Variants in PRKN observed in about 807,000 individuals in gnomAD.
PRKN encodes the protein parkin RBR E3 ubiquitin protein ligase.
In PRKN, 56 loss-of-function variants were observed where a neutral mutation model predicts 59.5. The observed-to-expected ratio is 0.94, with a 90% CI of 0.76 to 1.18. The LOEUF (loss-of-function observed/expected upper bound fraction) is 1.18. Among genes scored for constraint, PRKN ranks in the 50% most tolerant of loss-of-function variants. The pLI is 0.00. For synonymous variants in PRKN, 250 were observed against 222.1 expected, an observed-to-expected ratio of 1.13 and a Z score of -1.12; for missense variants, 657 against 596.4, an observed-to-expected ratio of 1.10 and a Z score of -1.06.
intron 1 of PRKN, among the ~76,000 whole-genome samples, chr6:162,646,163 C>T (rs1419601067): frequency 6.6e-6 from 1 of 152,096 alleles, no homozygotes; most frequent in African/African-American, 2.4e-5. Flanking sequence ...TGAGCCACCA[C>T]ACCCGGCCTA....
intron 7 of PRKN, among the ~76,000 whole-genome samples, chr6:161,736,741 G>T (rs988003888): frequency 6.1e-4 from 93 of 152,134 alleles, no homozygotes; most frequent in Non-Finnish European, 1.3e-3. Context: ...ACTTTCTGGG[G>T]GTACAAATTA....
At chr6:162,035,178 T>G (rs2187200) in intron 5 of PRKN, among the ~76,000 whole-genome samples, 62,508 of 145,556 alleles carry the variant, frequency 0.43, 13,159 homozygotes, top group East Asian at 0.58. Context: ...TATATATATA[T>G]AGAGAGAGGC....
rs1790197281 is a variant in PRKN, at chr6:161,461,168, A to G, written c.1084-74291T>C. Among the ~76,000 whole-genome samples the G allele has an allele frequency of 6.6e-6, 1 of 152,228 alleles. No homozygotes were observed. The highest frequency in any genetic ancestry group is 2.4e-5 in the African/African-American group (1 of 41,468). The stretch of plus-strand genomic sequence containing the variant: ...ACGTCAAGTTTGTCCTCAGGGACAG[A>G]GAAAGAGTTTTGCTAGCCAGTGGCT... On this transcript the variant is annotated intron_variant, in intron 9 of 11. Transcript: ENST00000366898. This position sits in a 1 kb window ranked among gnomAD's most constrained non-coding sequence, Gnocchi z 5.1.
intron 1 of PRKN, among the ~76,000 whole-genome samples, chr6:162,465,274 A>C (rs1057264437): frequency 6.6e-6 from 1 of 152,190 alleles, no homozygotes; most frequent in African/African-American, 2.4e-5. Context: ...ACTATATTTA[A>C]CATCTGACTT....
chr6:162,370,654 C>G (rs1277399758), intron 2 of PRKN, among the ~76,000 whole-genome samples: 2 of 152,130 alleles, frequency 1.3e-5, no homozygotes, highest in Non-Finnish European at 2.9e-5. Flanking sequence ...GTGAAATTCA[C>G]GTTTACTTAT....
chr6:162,212,766 C>T (rs1048694814), intron 3 of PRKN, among the ~76,000 whole-genome samples: 2 of 152,174 alleles, frequency 1.3e-5, no homozygotes, highest in Non-Finnish European at 2.9e-5. Context: ...CAGCTGGGCC[C>T]TATGGTACAG....
chr6:161,676,060 C>T (rs985107661), intron 7 of PRKN, among the ~76,000 whole-genome samples: 19 of 152,206 alleles, frequency 1.2e-4, no homozygotes, highest in Non-Finnish European at 1.5e-5. Flanking sequence ...GGGTAGTACT[C>T]GGCAGTGACT....
chr6:162,218,856 T>A (rs1337734826), intron 3 of PRKN, among the ~76,000 whole-genome samples: 1 of 152,056 alleles, frequency 6.6e-6, no homozygotes, highest in African/African-American at 2.4e-5. Context: ...TCTTTTCTGT[T>A]TCTCAGTTGC....
intron 2 of PRKN, among the ~76,000 whole-genome samples, chr6:162,429,741 C>T (rs759285833): frequency 1.2e-4 from 18 of 152,292 alleles, no homozygotes; most frequent in Middle Eastern, 3.4e-3. Context: ...TGGGGACGCA[C>T]CGGTCCTGCT....
At chr6:162,187,524 C>A (rs977319154) in intron 4 of PRKN, among the ~76,000 whole-genome samples, 2 of 152,048 alleles carry the variant, frequency 1.3e-5, no homozygotes, top group African/African-American at 4.8e-5. Context: ...TGCCCCCCAC[C>A]CCAATATACA....
chr6:162,085,664 C>T (rs936679458), intron 4 of PRKN, among the ~76,000 whole-genome samples: 9 of 151,990 alleles, frequency 5.9e-5, no homozygotes, highest in Admixed American at 2.0e-4. Flanking sequence ...AGTTAAGATA[C>T]TATTCATGTA....
At chr6:162,426,714 T>A (rs1030672212) in intron 2 of PRKN, among the ~76,000 whole-genome samples, 1 of 152,220 alleles carries the variant, frequency 6.6e-6, no homozygotes, top group African/African-American at 2.4e-5. Flanking sequence ...CCCAAAGTGC[T>A]GGGATTACAG....
intron 6 of PRKN, among the ~76,000 whole-genome samples, chr6:161,876,195 T>C (rs1228807319): frequency 6.6e-6 from 1 of 152,216 alleles, no homozygotes; most frequent in African/African-American, 2.4e-5. Flanking sequence ...TATTGATTAT[T>C]ACACTGCTTC....
At chr6:161,614,813 A>C (rs1582893036) in intron 7 of PRKN, among the ~76,000 whole-genome samples, 1 of 152,066 alleles carries the variant, frequency 6.6e-6, no homozygotes, top group Admixed American at 6.5e-5. Context: ...CCTTTCCCCC[A>C]CCCTTAATCA....
intron 1 of PRKN, among the ~76,000 whole-genome samples, chr6:162,538,015 T>C (rs1459378788): frequency 6.6e-6 from 1 of 152,216 alleles, no homozygotes; most frequent in Non-Finnish European, 1.5e-5. Context: ...GATACTGGTA[T>C]AAATATAGTC....
At position 162,039,890 on chromosome 6, in the gene PRKN, G is replaced by A. The variant is rs545435107; in HGVS notation, c.618+14201C>T. ...AGAGAACACTGTGGAAGGTATGCCC[G>A]TCATCTACTGCTATTCAACAAACCA... On this transcript the variant is annotated intron_variant, in intron 5 of 11. Transcript: ENST00000366898. 3.3e-5 allele frequency among the ~76,000 whole-genome samples: 5 copies of A among 152,264 alleles called. No individual in the cohort carries two copies. In the South Asian group the frequency reaches 8.3e-4, roughly 25 times the overall value.
intron 6 of PRKN, among the ~76,000 whole-genome samples, chr6:161,843,940 G>A (rs868472537): frequency 2.2e-4 from 33 of 152,148 alleles, no homozygotes; most frequent in South Asian, 2.1e-4. Context: ...ATGGTAACCT[G>A]CGTGGAAGGC....
chr6:161,849,576 C>A (rs1021925522), intron 6 of PRKN, among the ~76,000 whole-genome samples: 1 of 152,166 alleles, frequency 6.6e-6, no homozygotes, highest in Non-Finnish European at 1.5e-5. Context: ...AGACCATGCA[C>A]TGATTTACCT....
At chr6:162,184,043 G>A (rs2128323963) in intron 4 of PRKN, among the ~76,000 whole-genome samples, 1 of 152,258 alleles carries the variant, frequency 6.6e-6, no homozygotes, top group South Asian at 2.1e-4. Context: ...CACTGTGGCT[G>A]ATAATCTGAC....
Sources: gnomAD v4.1 joint callset for allele counts (sites outside exome capture counted in the v4.1 genomes callset) on GRCh38, gnomAD v4.1.1 for gene constraint, Gnocchi (gnomAD v3.1) non-coding constraint, MANE v1.5 for transcripts, NCBI Gene and HGNC (gene_info 2026-07-23, HGNC 2026-07-21) for gene names.